USP24: variants seen among roughly 807,000 people sequenced by gnomAD.
USP24 encodes the protein ubiquitin specific peptidase 24.
In USP24, 97 loss-of-function variants were observed where a neutral mutation model predicts 361.6. The observed-to-expected ratio is 0.27, with a 90% confidence interval of 0.23 to 0.32. The LOEUF (loss-of-function observed/expected upper bound fraction) is 0.32. Ranked by LOEUF, USP24 falls within the 10% of genes least tolerant of loss-of-function variation. The pLI is 1.00. For missense variants in USP24, 2,353 were observed against 3,165.6 expected, an observed-to-expected ratio of 0.74 and a Z score of 6.16; for synonymous variants, 1,098 against 1,124.6, an observed-to-expected ratio of 0.98 and a Z score of 0.47.
At chr1:55,184,826 A>G (rs1644082289) in intron 1 of USP24, among the ~76,000 whole-genome samples, 1 of 152,252 alleles carries the variant, frequency 6.6e-6, no homozygotes, top group Admixed American at 6.5e-5. Context: ...CTTAATCACC[A>G]ATGGCACAAA....
intron 16 of USP24, among the ~76,000 whole-genome samples, chr1:55,149,747 T>A (rs1647140456): frequency 6.6e-6 from 1 of 152,216 alleles, no homozygotes; most frequent in Non-Finnish European, 1.5e-5. Flanking sequence ...AACTTAGCTG[T>A]ACACAAAAGG....
At chr1:55,121,354 C>T in intron 37 of USP24, 82 bp downstream of exon 37, 1 of 1,296,854 alleles carries the variant, frequency 7.7e-7, no homozygotes, top group Non-Finnish European at 1.1e-6. Context: ...TCCTGTATTC[C>T]CGACAATGTC....
At chr1:55,077,773 T>C (rs1013529423) in intron 61 of USP24, among the ~76,000 whole-genome samples, 2 of 152,214 alleles carry the variant, frequency 1.3e-5, no homozygotes, top group Admixed American at 1.3e-4. Flanking sequence ...CCTTCAGCCA[T>C]TTTAATAAAA....
chr1:55,078,659 G>C lies in USP24; in HGVS notation c.7201-8C>G. On this transcript the variant is annotated splice_polypyrimidine_tract_variant and splice_region_variant and intron_variant, in intron 60 of 67. Coordinates refer to ENST00000294383, the MANE Select transcript of USP24 (RefSeq NM_015306.3). ...CCGCAAAGCAAACATTACCTGGTGGGAAGACATAACACAGTCAGCTATTCT... is the reference window on the plus strand; with the variant it reads ...CCGCAAAGCAAACATTACCTGGTGGCAAGACATAACACAGTCAGCTATTCT... 1.9e-6 allele frequency: 3 copies of C among 1,597,340 alleles called. No homozygotes were observed. The highest frequency in any genetic ancestry group is 2.6e-6 in the Non-Finnish European group (3 of 1,174,552).
chr1:55,155,534 A>G (rs571085321), intron 12 of USP24, among the ~76,000 whole-genome samples: 40 of 152,332 alleles, frequency 2.6e-4, no homozygotes, highest in African/African-American at 9.4e-4. Flanking sequence ...TATACTCGCA[A>G]AACAAAATTA....
chr1:55,128,837 C>A (rs940362505), intron 32 of USP24, among the ~76,000 whole-genome samples: 6 of 151,376 alleles, frequency 4.0e-5, no homozygotes, highest in African/African-American at 1.2e-4. Context: ...ACCTCAGTGT[C>A]CCAAGTAGTT....
At chr1:55,088,554 G>A (rs1252812656) in intron 55 of USP24, among the ~76,000 whole-genome samples, 2 of 152,158 alleles carry the variant, frequency 1.3e-5, no homozygotes, top group Non-Finnish European at 2.9e-5. Flanking sequence ...AGGGCAAGCT[G>A]GAACAGACTC....
intron 1 of USP24, among the ~76,000 whole-genome samples, chr1:55,210,473 T>C (rs1230748465): frequency 6.6e-6 from 1 of 152,212 alleles, no homozygotes; most frequent in Non-Finnish European, 1.5e-5. Context: ...ATTTGATATT[T>C]ACTCCACACT....
At chr1:55,177,389 G>C (rs1406970638) in intron 2 of USP24, among the ~76,000 whole-genome samples, 1 of 152,058 alleles carries the variant, frequency 6.6e-6, no homozygotes, top group African/African-American at 2.4e-5. Flanking sequence ...CCACTGCCTA[G>C]CATAGTACCT....
At chr1:55,072,609 G>GACATATGTATT (rs777458675) in intron 65 of USP24, among the ~76,000 whole-genome samples, 177 bp downstream of exon 65, 10 of 152,116 alleles carry the variant, frequency 6.6e-5, no homozygotes, top group Non-Finnish European at 1.5e-4. Context: ...ATGAAGTTAA[G>GACATATGTATT]ACATATGTAT....
intron 23 of USP24, among the ~76,000 whole-genome samples, chr1:55,142,370 A>T (rs1646913143): frequency 6.6e-6 from 1 of 152,186 alleles, no homozygotes; most frequent in Admixed American, 6.5e-5. Context: ...GTGAAACATG[A>T]AGAAAAACAA....
Position 55,066,729 on chromosome 1 carries a change from C to G in USP24, c.*2316G>C, listed in dbSNP as rs147487193. 6.6e-6 allele frequency: 1 copy of G among 152,182 alleles called. No homozygotes were observed. The highest frequency in any genetic ancestry group is 1.5e-5 in the Non-Finnish European group (1 of 68,046). 9.4% of individuals were successfully genotyped at this position (152,182 alleles called of 1,614,324 possible). ...CCAGGATGCCTTCAACGGGCAGAAT[C>G]GGCCATCTTAAGATCGGCCTCACTA... On this transcript the variant is annotated 3_prime_UTR_variant, in exon 68 of 68. Coordinates refer to ENST00000294383, the MANE Select transcript of USP24 (RefSeq NM_015306.3).
chr1:55,199,027 C>T lies in USP24; in HGVS notation c.324+15763G>A, dbSNP rs1213577772. ...TAACCAGGACAGGCATGGTGGCTCACACCTGTAATCCTGGCACTTTGAGAG... is the reference window on the plus strand; with the variant it reads ...TAACCAGGACAGGCATGGTGGCTCATACCTGTAATCCTGGCACTTTGAGAG... On this transcript the variant is annotated intron_variant, in intron 1 of 67. Transcript: ENST00000294383. Among the ~76,000 whole-genome samples the T allele has an allele frequency of 2.6e-5, 4 of 152,200 alleles. No individual in the cohort carries two copies. The South Asian group carries it at 8.3e-4, about 32-fold the overall frequency.
Position 55,154,651 on chromosome 1 carries a change from A to C in USP24, c.1554+20T>G. On this transcript the variant is annotated intron_variant, in intron 13 of 67. Coordinates refer to ENST00000294383, the MANE Select transcript of USP24 (RefSeq NM_015306.3). ...ATTTTAAGAAAATTTAAAAGTAAGC[A>C]AGTCTGACTGAACACGTACCTTCTG... 2 of 1,604,270 alleles carry C rather than the reference A, an allele frequency of 1.2e-6. No individual in the cohort carries two copies. The highest frequency in any genetic ancestry group is 1.1e-5 in the South Asian group (1 of 89,718).
Position 55,096,599 on chromosome 1 carries a change from T to A in USP24, c.5960A>T (p.Tyr1987Phe), listed in dbSNP as rs371694638. Residue 1987 changes from tyrosine to phenylalanine, a missense_variant, in exon 50 of 68, where the codon TAT becomes TTT. Physicochemically the swap from Tyr to Phe is conservative, Grantham distance 22. This residue lies in a region of USP24 where 598 missense variants were observed against 761.9 expected (regional missense o/e 0.78). Transcript: ENST00000294383. The stretch of plus-strand genomic sequence containing the variant: ...TTCTATAACTGTGTCATTAAATTTA[T>A]ACCACTTTCCTTTTCCACACCCTCT... The part of the protein sequence containing the change: ...DRRGCGKGKW[Y>F]KFNDTVIEEF... The A allele has an allele frequency of 3.1e-6, 5 of 1,612,014 alleles. No homozygotes were observed. Among genetic ancestry groups the A allele is most frequent in the Non-Finnish European group, 3.4e-6 (4 of 1,179,416 alleles).
At chr1:55,109,936 A>T (rs576617963) in intron 39 of USP24, among the ~76,000 whole-genome samples, 33 of 152,228 alleles carry the variant, frequency 2.2e-4, no homozygotes, top group Non-Finnish European at 3.5e-4. Flanking sequence ...GTGTAATTAA[A>T]ATATGAGCCT....
At chr1:55,120,807 G>T in intron 37 of USP24, 51 bp from the exon 38 acceptor site, 1 of 1,469,374 alleles carries the variant, frequency 6.8e-7, no homozygotes, top group South Asian at 1.4e-5. Flanking sequence ...AACATGTTGA[G>T]ACTGCTTAAA....
intron 34 of USP24, 78 bp from the exon 35 acceptor site, chr1:55,124,706 C>A: frequency 6.6e-7 from 1 of 1,521,356 alleles, no homozygotes; most frequent in Non-Finnish European, 8.9e-7. Context: ...TCTTACAGGT[C>A]TCAGTTTCAT....
In USP24 at chr1:55,098,734, C is replaced by T. The variant is rs138113078; in HGVS notation, c.5371-176G>A. Among the ~76,000 whole-genome samples, 114 of 152,160 alleles carry T rather than the reference C, an allele frequency of 7.5e-4. 2 individuals are homozygous for T. In the East Asian group the frequency reaches 0.014, roughly 18 times the overall value. On this transcript the variant is annotated intron_variant, in intron 45 of 67. Coordinates refer to ENST00000294383, the MANE Select transcript of USP24 (RefSeq NM_015306.3). ...GGCCCCACTGTCAGAGTGATGCAGACGATCAGAAGAGGAAGAGGAGGAGGG... is the reference window on the plus strand; with the variant it reads ...GGCCCCACTGTCAGAGTGATGCAGATGATCAGAAGAGGAAGAGGAGGAGGG...
Sources: allele counts gnomAD v4.1 joint callset (sites outside exome capture counted in the v4.1 genomes callset), GRCh38; gene constraint gnomAD v4.1.1; regional missense constraint gnomAD v4.1.1; transcripts MANE v1.5; gene names NCBI Gene and HGNC (gene_info 2026-07-23, HGNC 2026-07-21).